Variants in PSD3 observed in about 807,000 individuals in gnomAD.
PSD3 encodes pleckstrin and Sec7 domain containing 3.
Under a neutral mutation model 105.5 loss-of-function variants are expected in PSD3, and 49 were observed. That is an observed-to-expected ratio of 0.46 (90% confidence interval 0.37 to 0.59). The LOEUF is 0.59. Among genes scored for constraint, PSD3 ranks in the 20% least tolerant of loss-of-function variants. The probability of loss-of-function intolerance (pLI) is 0.00; values close to 1 mark genes in which losing one functional copy is unlikely to be tolerated. For synonymous variants in PSD3, 557 were observed against 457.8 expected, an observed-to-expected ratio of 1.22 and a Z score of -2.77; for missense variants, 1,561 against 1,263.8, an observed-to-expected ratio of 1.24 and a Z score of -3.57.
intron 9 of PSD3, among the ~76,000 whole-genome samples, chr8:18,680,203 G>T (rs1206995431): frequency 2.4e-4 from 36 of 152,168 alleles, no homozygotes; most frequent in Non-Finnish European, 2.9e-5. Flanking sequence ...ATGTCTGGGA[G>T]AACTGAGGCT....
chr8:18,917,453 T>C (rs1820698777), intron 2 of PSD3, among the ~76,000 whole-genome samples: 1 of 152,124 alleles, frequency 6.6e-6, no homozygotes, highest in Admixed American at 6.6e-5. Flanking sequence ...TTCTCCAAAA[T>C]AAAAGCAAGT....
chr8:19,011,205 A>C (rs1241172915), intron 1 of PSD3, among the ~76,000 whole-genome samples: 1 of 152,214 alleles, frequency 6.6e-6, no homozygotes, highest in Non-Finnish European at 1.5e-5. Context: ...TTTAAGCCAA[A>C]GCAGATACAC....
chr8:18,739,987 T>G (rs1804433374), intron 9 of PSD3, among the ~76,000 whole-genome samples: 1 of 152,156 alleles, frequency 6.6e-6, no homozygotes, highest in Non-Finnish European at 1.5e-5. Flanking sequence ...TAATATCAAA[T>G]CTGGGATAAC....
rs556934078 is a variant in PSD3, at chr8:18,765,403, A to C, written c.2172+46T>G. On this transcript the variant is annotated intron_variant, in intron 9 of 15. Transcript: ENST00000327040. Reference sequence around the variant, plus strand: ...ACTTAGGATTAAGCTGTAAGCAGCAAACAGAAATACAAGCATACACTAAAA... The same window carrying C: ...ACTTAGGATTAAGCTGTAAGCAGCACACAGAAATACAAGCATACACTAAAA... 9 of 1,505,360 alleles carry C rather than the reference A, an allele frequency of 6.0e-6. No individual in the cohort carries two copies. The East Asian group carries it at 2.0e-4, about 34-fold the overall frequency. 93.3% of individuals were successfully genotyped at this position (1,505,360 alleles called of 1,614,324 possible).
chr8:18,589,634 G>A (rs1803449760), intron 12 of PSD3, among the ~76,000 whole-genome samples: 3 of 152,228 alleles, frequency 2.0e-5, no homozygotes. Flanking sequence ...TATGTAAAAT[G>A]TTAATGAAAG....
intron 12 of PSD3, among the ~76,000 whole-genome samples, chr8:18,590,044 A>AAAC (rs1384223454): frequency 7.2e-5 from 11 of 152,184 alleles, no homozygotes; most frequent in South Asian, 4.1e-4. Flanking sequence ...CAAGCAAAGA[A>AAAC]AACAACAACA....
intron 2 of PSD3, among the ~76,000 whole-genome samples, chr8:18,896,960 A>G (rs1405400296): frequency 2.0e-5 from 3 of 151,766 alleles, no homozygotes; most frequent in Non-Finnish European, 4.4e-5. Flanking sequence ...ACAGGCATGC[A>G]CCACCATGCT....
At position 18,931,670 on chromosome 8, in the gene PSD3, A is replaced by G. The variant is rs76715147; in HGVS notation, c.130+4364T>C. 3.7e-3 allele frequency among the ~76,000 whole-genome samples: 560 copies of G among 152,282 alleles called. 7 individuals carry two copies. The East Asian group carries it at 0.042, about 11-fold the overall frequency. On this transcript the variant is annotated intron_variant, in intron 2 of 15. Transcript: ENST00000327040. The stretch of plus-strand genomic sequence containing the variant: ...CTTTTCTTTTAATGATGGGCTCTGA[A>G]CAGTTCAGGTGACGGCAGCAGGGAG...
rs558793201 is a variant in PSD3, at chr8:18,996,431, G to A, written c.21+17132C>T. Among the ~76,000 whole-genome samples the A allele has an allele frequency of 5.3e-5, 8 of 151,894 alleles. 1 individual carries two copies. The highest frequency in any genetic ancestry group is 2.1e-4 in the South Asian group (1 of 4,788). ...CATACCCAAAAGACATTTATTTAAC[G>A]GCTCAGACAAAAGAAACAGTTTTGA... is the stretch of plus-strand genomic sequence containing the variant. On this transcript the variant is annotated intron_variant, in intron 1 of 15. Transcript: ENST00000327040.
chr8:18,852,948 C>T (rs761922307), intron 4 of PSD3, among the ~76,000 whole-genome samples: 5 of 152,104 alleles, frequency 3.3e-5, no homozygotes, highest in Non-Finnish European at 7.4e-5. Flanking sequence ...ATACTATTAT[C>T]ATTCCTATTT....
chr8:18,665,611 G>T (rs1480605102), intron 9 of PSD3, among the ~76,000 whole-genome samples: 1 of 152,248 alleles, frequency 6.6e-6, no homozygotes, highest in East Asian at 1.9e-4. Flanking sequence ...TGAGGGGAAT[G>T]ACTGCATTTC....
chr8:18,764,731 AC>A (rs1806824715), intron 9 of PSD3, among the ~76,000 whole-genome samples: 1 of 152,196 alleles, frequency 6.6e-6, no homozygotes. Flanking sequence ...AGAAACCTAT[AC>A]GTGTACTGTT....
chr8:18,753,787 A>G (rs2129439813), intron 9 of PSD3, among the ~76,000 whole-genome samples: 1 of 152,202 alleles, frequency 6.6e-6, no homozygotes, highest in South Asian at 2.1e-4. Flanking sequence ...TGTCTCCTTA[A>G]TCAAACCAAG....
At chr8:18,784,536 G>T (rs1005677050) in intron 8 of PSD3, among the ~76,000 whole-genome samples, 3 of 152,202 alleles carry the variant, frequency 2.0e-5, no homozygotes. Flanking sequence ...AGTTTCGGGT[G>T]TCAATTGGTA....
chr8:18,847,213 A>G (rs1815165560), intron 4 of PSD3, among the ~76,000 whole-genome samples: 1 of 152,192 alleles, frequency 6.6e-6, no homozygotes, highest in South Asian at 2.1e-4. Context: ...GCCAAGGAAA[A>G]GAGACTGCAG....
rs1803876432 is a variant in PSD3 at position 18,594,246 on chromosome 8, ATATATTAT to A, written c.2481+6110_2481+6117del. Among the ~76,000 whole-genome samples the A allele has an allele frequency of 6.2e-4, 4 of 6,448 alleles. 2 individuals are homozygous for A. The highest frequency in any genetic ancestry group is 1.5e-3 in the Non-Finnish European group (4 of 2,668). 4.2% of individuals were successfully genotyped at this position (6,448 alleles called of 152,430 possible). A position where few individuals can be genotyped will look rare whatever the true frequency, so the allele number is the denominator to read the frequency against. On this transcript the variant is annotated intron_variant, in intron 12 of 15. Transcript: ENST00000327040. ...TATATTATATAATATATATTATTAT[ATATATTAT>A]ATAATATATATTATTATATATATTA...
intron 9 of PSD3, among the ~76,000 whole-genome samples, chr8:18,752,529 AT>A (rs1202419220): frequency 0.036 from 1,714 of 48,142 alleles, 112 homozygotes; most frequent in African/African-American, 0.19. Flanking sequence ...AATATATATA[AT>A]TATATATTAT....
intron 4 of PSD3, among the ~76,000 whole-genome samples, chr8:18,833,904 T>A (rs1172511718): frequency 2.6e-5 from 4 of 151,952 alleles, no homozygotes; most frequent in Admixed American, 2.6e-4. Flanking sequence ...GTTACAAAAA[T>A]ATAAAAACAA....
At chr8:18,630,161 T>C (rs898675539) in intron 11 of PSD3, among the ~76,000 whole-genome samples, 3 of 151,950 alleles carry the variant, frequency 2.0e-5, no homozygotes, top group African/African-American at 7.2e-5. Context: ...CAGGTTCCTT[T>C]GGAAAGCAGG....
Sources: gnomAD v4.1 joint callset for allele counts (sites outside exome capture counted in the v4.1 genomes callset) on GRCh38, gnomAD v4.1.1 for gene constraint, MANE v1.5 for transcripts, NCBI Gene and HGNC (gene_info 2026-07-23, HGNC 2026-07-21) for gene names.